HERC6: variants seen among roughly 807,000 people sequenced by gnomAD.
HERC6 encodes the protein probable E3 ubiquitin-protein ligase HERC6.
Under a neutral mutation model 114.5 loss-of-function variants are expected in HERC6, and 101 were observed. The observed-to-expected ratio is 0.88, with a 90% CI of 0.75 to 1.04. The LOEUF is 1.04. Among genes scored for constraint, HERC6 ranks in the 50% least tolerant of loss-of-function variants. HERC6 has a pLI of 0.00. For missense variants in HERC6, 1,133 were observed against 1,230.9 expected (o/e 0.92, Z 1.19); for synonymous variants, 408 against 436.2 (o/e 0.94, Z 0.81).
At chr4:88,389,117 A>G (rs1393494759) in intron 3 of HERC6, among the ~76,000 whole-genome samples, 8 of 152,128 alleles carry the variant, frequency 5.3e-5, no homozygotes, top group Non-Finnish European at 8.8e-5. Flanking sequence ...GAGAGATAGG[A>G]TGCTAACCAT....
In HERC6 at chr4:88,393,486, A is replaced by G. The variant is rs778491228; in HGVS notation, c.665-2A>G. 5.6e-6 allele frequency: 9 copies of G among 1,593,350 alleles called. No individual in the cohort carries two copies. In the South Asian group the frequency reaches 7.9e-5, roughly 14 times the overall value. On this transcript the variant is annotated splice_acceptor_variant, in intron 4 of 22. Coordinates refer to ENST00000264346, the MANE Select transcript of HERC6 (RefSeq NM_017912.4). LOFTEE classifies it high-confidence loss of function. ...TCTAGAGATTCTGCTTTCTTTCAACAGTGCAAAGCAACAAGCCTCTCTCAG... is the reference window on the plus strand; with the variant it reads ...TCTAGAGATTCTGCTTTCTTTCAACGGTGCAAAGCAACAAGCCTCTCTCAG...
chr4:88,421,014 C>T (rs1040701166), intron 13 of HERC6, among the ~76,000 whole-genome samples: 1 of 152,148 alleles, frequency 6.6e-6, no homozygotes, highest in Non-Finnish European at 1.5e-5. Flanking sequence ...CTATTCTGGA[C>T]ATTTTATGTA....
chr4:88,391,238 A>T (rs1056853980), intron 4 of HERC6, among the ~76,000 whole-genome samples: 4 of 152,172 alleles, frequency 2.6e-5, no homozygotes, highest in Non-Finnish European at 5.9e-5. Context: ...ATTGACTCAT[A>T]GACCTCTTTC....
chr4:88,383,697 A>G lies in HERC6; in HGVS notation c.359+317A>G, dbSNP rs192844802. Among the ~76,000 whole-genome samples, 312 of 129,810 alleles carry G rather than the reference A, an allele frequency of 2.4e-3. 5 individuals are homozygous for G. The Admixed American group carries it at 0.026, about 11-fold the overall frequency. 85.2% of individuals were successfully genotyped at this position (129,810 alleles called of 152,430 possible). ...AGAATCGCTTGAACCTGGGAGGCAG[A>G]GGTTGCAGTGGTGCTGGGACAGCGC... On this transcript the variant is annotated intron_variant, in intron 2 of 22. Transcript: ENST00000264346.
chr4:88,413,325 G>T, intron 12 of HERC6, 59 bp downstream of exon 12: 2 of 1,282,582 alleles, frequency 1.6e-6, no homozygotes, highest in South Asian at 1.4e-5. Context: ...TGAAGTAGAC[G>T]TTGTAGCAAA....
intron 3 of HERC6, 105 bp downstream of exon 3, chr4:88,385,680 A>T (rs573496721): frequency 1.2e-4 from 76 of 617,412 alleles, no homozygotes; most frequent in Admixed American, 9.7e-4. Flanking sequence ...GAAGTTTTTC[A>T]TTCCCCAGGT....
intron 8 of HERC6, among the ~76,000 whole-genome samples, chr4:88,400,014 C>T (rs1735451072): frequency 6.6e-6 from 1 of 152,002 alleles, no homozygotes. Flanking sequence ...GACAGAAGGC[C>T]AGTGAGGCAG....
intron 11 of HERC6, among the ~76,000 whole-genome samples, chr4:88,411,997 GAA>G (rs1218545431): frequency 6.7e-6 from 1 of 149,804 alleles, no homozygotes; most frequent in Non-Finnish European, 1.5e-5. Flanking sequence ...GGAGGAAAAA[GAA>G]AAACGACTGG....
At chr4:88,385,625 A>G (rs1734532520) in intron 3 of HERC6, 50 bp downstream of exon 3, 3 of 908,362 alleles carry the variant, frequency 3.3e-6, no homozygotes, top group Non-Finnish European at 5.0e-6. Flanking sequence ...AATTTTTTGA[A>G]TAGGAATTAT....
Position 88,378,918 on chromosome 4 carries a change from C to T in HERC6, c.-4C>T, listed in dbSNP as rs1199287315. Reference sequence around the variant, plus strand: ...CGGAGCAGGCGACAGGGCGCAGAAGCGGGATGTACTTCTGTTGGGGCGCCG... The same window carrying T: ...CGGAGCAGGCGACAGGGCGCAGAAGTGGGATGTACTTCTGTTGGGGCGCCG... On this transcript the variant is annotated 5_prime_UTR_variant, in exon 1 of 23. Transcript: ENST00000264346. 3 of 1,584,916 alleles carry T rather than the reference C, an allele frequency of 1.9e-6. No homozygotes were observed. Among genetic ancestry groups the T allele is most frequent in the African/African-American group, 2.7e-5 (2 of 74,316 alleles).
At chr4:88,387,212 C>T (rs1734629566) in intron 3 of HERC6, among the ~76,000 whole-genome samples, 2 of 152,110 alleles carry the variant, frequency 1.3e-5, no homozygotes, top group South Asian at 4.2e-4. Context: ...GCCTGGCCAA[C>T]ATAGTGAGAT....
At chr4:88,406,227 T>G (rs1183970731) in intron 10 of HERC6, among the ~76,000 whole-genome samples, 3 of 152,258 alleles carry the variant, frequency 2.0e-5, no homozygotes, top group Non-Finnish European at 4.4e-5. Flanking sequence ...TGGAGGTTGA[T>G]GCCTTGCTGA....
intron 7 of HERC6, among the ~76,000 whole-genome samples, chr4:88,397,269 T>C (rs1285308348): frequency 1.3e-5 from 2 of 151,278 alleles, no homozygotes; most frequent in East Asian, 2.0e-4. Flanking sequence ...TGCGCCACCA[T>C]GCCTGGCTAA....
At chr4:88,380,964 A>C (rs1734284616) in intron 1 of HERC6, among the ~76,000 whole-genome samples, 1 of 152,090 alleles carries the variant, frequency 6.6e-6, no homozygotes, top group African/African-American at 2.4e-5. Flanking sequence ...GTTTTCATCA[A>C]GCATAATCTT....
chr4:88,421,308 G>GGGAT lies in HERC6; in HGVS notation c.1714-2551_1714-2548dup, dbSNP rs1737024894. ...TCATTTCCCGTATATACCCAAGAGT[G>GGGAT]GGATATCTGGGTCATATGGCAACTC... On this transcript the variant is annotated intron_variant, in intron 13 of 22. Transcript: ENST00000264346. Among the ~76,000 whole-genome samples the GGGAT allele has an allele frequency of 4.6e-5, 7 of 152,264 alleles. No homozygotes were observed. The South Asian group carries it at 1.5e-3, about 32-fold the overall frequency.
chr4:88,435,684 A>G, intron 17 of HERC6, 41 bp from the exon 18 acceptor site: 1 of 1,295,326 alleles, frequency 7.7e-7, no homozygotes, highest in Admixed American at 3.3e-5. Context: ...TGTATTACTA[A>G]TTATTTATAA....
At chr4:88,419,608 G>A (rs552220315) in intron 13 of HERC6, among the ~76,000 whole-genome samples, 166 of 152,214 alleles carry the variant, frequency 1.1e-3, no homozygotes, top group African/African-American at 3.9e-3. Flanking sequence ...ATTCTGATCC[G>A]GTAGGCCTGG....
intron 7 of HERC6, 62 bp downstream of exon 7, chr4:88,397,049 T>C (rs1735273102): frequency 6.1e-6 from 9 of 1,465,242 alleles, no homozygotes; most frequent in Admixed American, 2.0e-5. Flanking sequence ...GAACTAGTAT[T>C]CAGCTTCCTT....
At chr4:88,423,813 T>C (rs376153539) in intron 13 of HERC6, 47 bp from the exon 14 acceptor site, 60 of 822,160 alleles carry the variant, frequency 7.3e-5, no homozygotes, top group Non-Finnish European at 1.1e-4. Context: ...ATAGATTAAA[T>C]CACTTATTGA....
Sources: gnomAD v4.1 joint callset for allele counts (sites outside exome capture counted in the v4.1 genomes callset) on GRCh38, gnomAD v4.1.1 for gene constraint, MANE v1.5 for transcripts, NCBI Gene and HGNC (gene_info 2026-07-23, HGNC 2026-07-21) for gene names.